Variants in SSPN observed in about 807,000 individuals in gnomAD.
SSPN encodes sarcospan.
Under a neutral mutation model 19.1 loss-of-function variants are expected in SSPN, and 15 were observed. That is an observed-to-expected ratio of 0.78 (90% CI 0.52 to 1.21). SSPN has a LOEUF of 1.21. Among genes scored for constraint, SSPN ranks in the 50% most tolerant of loss-of-function variants. The probability of loss-of-function intolerance (pLI) is 0.00; values close to 1 mark genes in which losing one functional copy is unlikely to be tolerated. For missense variants in SSPN, 291 were observed against 314.0 expected, an observed-to-expected ratio of 0.93 and a Z score of 0.55; for synonymous variants, 147 against 140.3, an observed-to-expected ratio of 1.05 and a Z score of -0.34.
chr12:26,170,486 A>G (rs931056546), intron 1 of SSPN, among the ~76,000 whole-genome samples: 4 of 152,208 alleles, frequency 2.6e-5, no homozygotes, highest in South Asian at 2.1e-4. Context: ...AAGAGTCTTC[A>G]TGTATTTTCT....
intron 1 of SSPN, among the ~76,000 whole-genome samples, chr12:26,164,805 T>G (rs1439064249): frequency 6.6e-6 from 1 of 152,176 alleles, no homozygotes; most frequent in Non-Finnish European, 1.5e-5. Flanking sequence ...TTACCTCTTT[T>G]CTCTGCAGTA....
chr12:26,179,345 A>G (rs1349284387), intron 1 of SSPN, among the ~76,000 whole-genome samples: 3 of 152,156 alleles, frequency 2.0e-5, no homozygotes, highest in African/African-American at 7.2e-5. Flanking sequence ...ACTTTGGGCA[A>G]TGAGACTGAG....
At chr12:26,219,855 G>A (rs999490344) in intron 1 of SSPN, among the ~76,000 whole-genome samples, 2 of 152,064 alleles carry the variant, frequency 1.3e-5, no homozygotes, top group African/African-American at 4.8e-5. Flanking sequence ...CCACCATCTG[G>A]GTGTCTGGTC....
chr12:26,208,134 C>G (rs984267054), intron 1 of SSPN, among the ~76,000 whole-genome samples: 1 of 152,010 alleles, frequency 6.6e-6, no homozygotes, highest in African/African-American at 2.4e-5. Flanking sequence ...GTCTATAACT[C>G]CCTGTGCACA....
At chr12:26,133,173 C>G (rs931231361) in intron 1 of SSPN, among the ~76,000 whole-genome samples, 17 of 152,206 alleles carry the variant, frequency 1.1e-4, no homozygotes, top group African/African-American at 4.1e-4. Flanking sequence ...GGAAAGGGAC[C>G]TGACAGGGCT....
In SSPN at chr12:26,125,092, G is replaced by C. The variant is rs892116416; in HGVS notation, c.-31+2940G>C. ...CCAGCACCCAGCTCACGTGCGGAAC[G>C]TACCATCCGCGGTCCAGCCCGGAGG... On this transcript the variant is annotated intron_variant, in intron 1 of 2. Coordinates refer to the SSPN transcript ENST00000538142. 3 of 435,162 alleles carry C rather than the reference G, an allele frequency of 6.9e-6. No homozygotes were observed. The Admixed American group carries it at 1.1e-4, about 15-fold the overall frequency. The allele number at this position is 435,162 out of a possible 1,614,324, so 27.0% of individuals were successfully genotyped here.
At chr12:26,184,646 C>A (rs1468010387) in intron 1 of SSPN, among the ~76,000 whole-genome samples, 2 of 152,074 alleles carry the variant, frequency 1.3e-5, no homozygotes, top group African/African-American at 2.4e-5. Context: ...GTCCAGAGAA[C>A]TTTAGTGGTC....
At chr12:26,229,954 G>C (rs559803188) in intron 2 of SSPN, among the ~76,000 whole-genome samples, 8 of 152,344 alleles carry the variant, frequency 5.3e-5, no homozygotes, top group African/African-American at 1.9e-4. Context: ...AGCAGAGCGA[G>C]AACTTTAACC....
chr12:26,208,511 T>C (rs1223680808), intron 1 of SSPN, among the ~76,000 whole-genome samples: 1 of 152,182 alleles, frequency 6.6e-6, no homozygotes, highest in Non-Finnish European at 1.5e-5. Flanking sequence ...GTACTACAAA[T>C]ATCTTTTTCT....
chr12:26,187,053 C>A (rs11048425), intron 1 of SSPN, among the ~76,000 whole-genome samples: 1 of 152,100 alleles, frequency 6.6e-6, no homozygotes, highest in Non-Finnish European at 1.5e-5. Flanking sequence ...GGAAGCCCCC[C>A]ACTGGTAGCT....
intron 1 of SSPN, among the ~76,000 whole-genome samples, chr12:26,154,441 G>A (rs1373602008): frequency 6.6e-6 from 1 of 152,104 alleles, no homozygotes; most frequent in African/African-American, 2.4e-5. Flanking sequence ...TTAGCAGCAG[G>A]GCCTTGGTGA....
In SSPN at chr12:26,232,046, A is replaced by T; in HGVS notation, c.*970A>T. On this transcript the variant is annotated 3_prime_UTR_variant, in exon 3 of 3. Transcript: ENST00000242729. ...TTAATAGCTCAGGTTAAAAACACCC[A>T]TTTAAACAAAAACAAGAGCATTTGT... 1.0e-6 allele frequency: 1 copy of T among 985,396 alleles called. No homozygotes were observed. Among genetic ancestry groups the T allele is most frequent in the African/African-American group, 1.7e-5 (1 of 57,352 alleles). The allele number at this position is 985,396 out of a possible 1,614,324, so 61.0% of individuals were successfully genotyped here.
intron 1 of SSPN, among the ~76,000 whole-genome samples, chr12:26,166,896 A>G (rs1177123645): frequency 6.6e-6 from 1 of 152,268 alleles, no homozygotes; most frequent in Non-Finnish European, 1.5e-5. Flanking sequence ...ATATGGCGAA[A>G]GAGTGTAAAT....
chr12:26,122,754 T>G (rs1372700104), intron 1 of SSPN: 2 of 1,596,882 alleles, frequency 1.3e-6, no homozygotes, highest in East Asian at 4.6e-5. Flanking sequence ...GCCTTTGCCT[T>G]TCTCGCGGTC....
chr12:26,183,095 A>G (rs1944730423), intron 1 of SSPN, among the ~76,000 whole-genome samples: 1 of 152,192 alleles, frequency 6.6e-6, no homozygotes, highest in African/African-American at 2.4e-5. Context: ...AAGTACATAC[A>G]GGTGCTATAT....
In SSPN at chr12:26,231,145, T is replaced by C. The variant is rs28530577; in HGVS notation, c.*69T>C. On this transcript the variant is annotated 3_prime_UTR_variant, in exon 3 of 3. Coordinates refer to ENST00000242729, the MANE Select transcript of SSPN (RefSeq NM_005086.5). ...CTGAGGTTAAACAAACAAAAAAAAA[T>C]TTTAAACAAAGAAAGGAAAAAAATT... The C allele has an allele frequency of 1.4e-6, 2 of 1,445,440 alleles. No individual in the cohort carries two copies. The highest frequency in any genetic ancestry group is 5.4e-5 in the Admixed American group (2 of 37,148). 89.5% of individuals were successfully genotyped at this position (1,445,440 alleles called of 1,614,324 possible).
intron 1 of SSPN, among the ~76,000 whole-genome samples, chr12:26,220,917 T>C (rs1565692781): frequency 6.6e-6 from 1 of 152,034 alleles, no homozygotes; most frequent in Non-Finnish European, 1.5e-5. Flanking sequence ...CTCAGACACT[T>C]ATCATTTCTC....
chr12:26,140,508 C>T (rs550973478), intron 1 of SSPN, among the ~76,000 whole-genome samples: 31 of 152,276 alleles, frequency 2.0e-4, no homozygotes, highest in Non-Finnish European at 2.9e-4. Flanking sequence ...TTTGTGTCCC[C>T]GCCCAAATCT....
intron 1 of SSPN, among the ~76,000 whole-genome samples, chr12:26,147,718 T>C (rs540788739): frequency 1.2e-4 from 18 of 152,310 alleles, no homozygotes; most frequent in African/African-American, 4.1e-4. Context: ...AGCCTGACAA[T>C]AGAAGACTTT....
Sources: gnomAD v4.1 joint callset for allele counts (sites outside exome capture counted in the v4.1 genomes callset) on GRCh38, gnomAD v4.1.1 for gene constraint, MANE v1.5 for transcripts, NCBI Gene and HGNC (gene_info 2026-07-23, HGNC 2026-07-21) for gene names.